Variants in OPCML observed in about 807,000 individuals in gnomAD.
OPCML encodes opioid binding protein/cell adhesion molecule like, also known as opioid-binding protein/cell adhesion molecule.
OPCML carries 13 observed loss-of-function variants against 37.8 expected under a neutral mutation model. The ratio of observed to expected loss-of-function variants is 0.34; its 90% CI spans 0.22 to 0.55. The LOEUF (loss-of-function observed/expected upper bound fraction) is 0.55, where lower values mean the gene tolerates loss of function less well. Among genes scored for constraint, OPCML ranks in the 20% least tolerant of loss-of-function variants. The pLI, the probability that OPCML is intolerant of heterozygous loss-of-function variation, is 0.91. For synonymous variants in OPCML, 176 were observed against 168.8 expected (o/e 1.04, Z -0.33); for missense variants, 341 against 435.6 (o/e 0.78, Z 1.93).
intron 1 of OPCML, among the ~76,000 whole-genome samples, chr11:133,014,604 T>C (rs1431042289): frequency 6.6e-6 from 1 of 152,176 alleles, no homozygotes; most frequent in African/African-American, 2.4e-5. Flanking sequence ...GACAGTCCTT[T>C]GCCTTCATTC....
intron 4 of OPCML, among the ~76,000 whole-genome samples, chr11:132,508,183 T>C (rs2096261463): frequency 6.6e-6 from 1 of 152,182 alleles, no homozygotes; most frequent in African/African-American, 2.4e-5. Context: ...TTTTAAACTC[T>C]TTCAGAAAAT....
intron 1 of OPCML, among the ~76,000 whole-genome samples, chr11:133,381,163 G>C (rs1286662968): frequency 6.6e-6 from 1 of 152,190 alleles, no homozygotes; most frequent in Non-Finnish European, 1.5e-5. Context: ...CAGGTGACAT[G>C]GGCCCCTTAG....
chr11:133,024,386 A>T, intron 1 of OPCML: 1 of 985,340 alleles, frequency 1.0e-6, no homozygotes, highest in Non-Finnish European at 1.2e-6. Context: ...ACTCATTAGG[A>T]TGGAGACCTC....
intron 1 of OPCML, among the ~76,000 whole-genome samples, chr11:133,512,086 G>A (rs893951681): frequency 2.0e-5 from 3 of 152,208 alleles, no homozygotes; most frequent in Non-Finnish European, 4.4e-5. Flanking sequence ...TGTTCCAAGA[G>A]CATCAGATCC....
At chr11:133,530,672 A>G (rs1948587154) in intron 1 of OPCML, among the ~76,000 whole-genome samples, 1 of 152,184 alleles carries the variant, frequency 6.6e-6, no homozygotes, top group Non-Finnish European at 1.5e-5. Flanking sequence ...AATAACAACA[A>G]CAGCAACCCC....
At chr11:133,241,982 T>C (rs144827682) in intron 1 of OPCML, among the ~76,000 whole-genome samples, 52 of 152,360 alleles carry the variant, frequency 3.4e-4, no homozygotes, top group African/African-American at 1.1e-3. Context: ...CATCTTTTTC[T>C]GCAATCTTTT....
At chr11:132,913,441 C>T (rs959677121) in intron 2 of OPCML, among the ~76,000 whole-genome samples, 11 of 152,262 alleles carry the variant, frequency 7.2e-5, no homozygotes, top group African/African-American at 2.2e-4. Flanking sequence ...TATGAGTCAT[C>T]GGGAAACAAA....
intron 2 of OPCML, among the ~76,000 whole-genome samples, chr11:132,900,260 C>T (rs1944004174): frequency 6.6e-6 from 1 of 152,150 alleles, no homozygotes; most frequent in Non-Finnish European, 1.5e-5. Context: ...ACCAGCCATT[C>T]AATTAGGCCA....
At chr11:133,515,624 C>T (rs1405573919) in intron 1 of OPCML, among the ~76,000 whole-genome samples, 1 of 151,998 alleles carries the variant, frequency 6.6e-6, no homozygotes, top group African/African-American at 2.4e-5. Context: ...AGTGACTACG[C>T]CCCAGATAAC....
chr11:132,564,447 T>C (rs2096417687), intron 3 of OPCML, among the ~76,000 whole-genome samples: 1 of 152,212 alleles, frequency 6.6e-6, no homozygotes, highest in African/African-American at 2.4e-5. Context: ...AGAACACATC[T>C]CTTATTTCTT....
At chr11:133,229,523 G>C (rs1940185354) in intron 1 of OPCML, among the ~76,000 whole-genome samples, 1 of 151,860 alleles carries the variant, frequency 6.6e-6, no homozygotes, top group Admixed American at 6.6e-5. Context: ...CAATTTAAAG[G>C]ATTAAAAAAG....
At chr11:132,426,132 G>C (rs1159806932) in intron 7 of OPCML, among the ~76,000 whole-genome samples, 1 of 152,150 alleles carries the variant, frequency 6.6e-6, no homozygotes, top group Admixed American at 6.5e-5. Flanking sequence ...AATAAACTGA[G>C]TGACAACACA....
At chr11:133,060,042 C>T (rs1044086565) in intron 1 of OPCML, among the ~76,000 whole-genome samples, 2 of 152,104 alleles carry the variant, frequency 1.3e-5, no homozygotes, top group Non-Finnish European at 2.9e-5. Flanking sequence ...CTAGATTTGC[C>T]ACAAACTTTC....
chr11:132,428,228 A>T (rs907277539), intron 7 of OPCML, among the ~76,000 whole-genome samples: 1 of 152,204 alleles, frequency 6.6e-6, no homozygotes, highest in Non-Finnish European at 1.5e-5. Context: ...TCAGAAAAAT[A>T]GTCATTTGGC....
intron 2 of OPCML, among the ~76,000 whole-genome samples, chr11:132,853,374 A>T (rs1214054721): frequency 6.6e-6 from 1 of 152,202 alleles, no homozygotes; most frequent in African/African-American, 2.4e-5. Context: ...CTGTAAATCA[A>T]TATTTTCCAA....
At chr11:132,950,880 A>G (rs1219960358) in intron 1 of OPCML, among the ~76,000 whole-genome samples, 1 of 152,226 alleles carries the variant, frequency 6.6e-6, no homozygotes, top group African/African-American at 2.4e-5. Flanking sequence ...AGATGAGGCC[A>G]TGAAGTTATC....
At chr11:133,320,970 C>A (rs1943316110) in intron 1 of OPCML, among the ~76,000 whole-genome samples, 1 of 152,150 alleles carries the variant, frequency 6.6e-6, no homozygotes, top group African/African-American at 2.4e-5. Flanking sequence ...AACAGAGAGC[C>A]ATTCTCCTTC....
intron 2 of OPCML, among the ~76,000 whole-genome samples, chr11:132,710,945 G>A (rs1004706849): frequency 6.6e-6 from 1 of 152,142 alleles, no homozygotes; most frequent in African/African-American, 2.4e-5. Flanking sequence ...AGGTTTCATA[G>A]GGAACACACA....
At chr11:132,664,917 C>T (rs1224435862) in intron 2 of OPCML, among the ~76,000 whole-genome samples, 1 of 152,150 alleles carries the variant, frequency 6.6e-6, no homozygotes, top group Non-Finnish European at 1.5e-5. Context: ...GGGATAAGAG[C>T]TACTTAAGGA....
Sources: gnomAD v4.1 joint callset for allele counts (sites outside exome capture counted in the v4.1 genomes callset) on GRCh38, gnomAD v4.1.1 for gene constraint, MANE v1.5 for transcripts, NCBI Gene and HGNC (gene_info 2026-07-23, HGNC 2026-07-21) for gene names.